Variants in ADAMTS19 observed in about 807,000 individuals in gnomAD.
ADAMTS19 encodes ADAM metallopeptidase with thrombospondin type 1 motif 19.
A neutral mutation model predicts 153.3 loss-of-function variants in ADAMTS19; 93 were observed. The observed-to-expected ratio is 0.61, with a 90% CI of 0.51 to 0.72. The LOEUF is 0.72. ADAMTS19 is among the 30% of genes least tolerant of loss of function. The pLI is 0.00. For synonymous variants in ADAMTS19, 600 were observed against 556.6 expected, an observed-to-expected ratio of 1.08 and a Z score of -1.10; for missense variants, 1,482 against 1,552.1, an observed-to-expected ratio of 0.95 and a Z score of 0.76.
At chr5:129,555,859 GA>G (rs1407660079) in intron 7 of ADAMTS19, among the ~76,000 whole-genome samples, 1 of 152,156 alleles carries the variant, frequency 6.6e-6, no homozygotes, top group Non-Finnish European at 1.5e-5. Flanking sequence ...TTCAGATGAA[GA>G]TATAGAATTA....
intron 2 of ADAMTS19, among the ~76,000 whole-genome samples, chr5:129,479,291 A>G (rs760793789): frequency 1.3e-5 from 2 of 152,214 alleles, no homozygotes; most frequent in South Asian, 2.1e-4. Flanking sequence ...ATAGGAGTAG[A>G]AATAGTAGAA....
In ADAMTS19 at chr5:129,596,563, A is replaced by T; in HGVS notation, c.1377A>T (p.Ile459=). 1.3e-6 allele frequency: 2 copies of T among 1,590,222 alleles called. No homozygotes were observed. The highest frequency in any genetic ancestry group is 1.7e-6 in the Non-Finnish European group (2 of 1,165,504). Residue 459 remains isoleucine, a synonymous_variant, in exon 8 of 23, where the codon ATA becomes ATT. Transcript: ENST00000274487. ...HKDEPCDTVG[I]AYLSGMCSEK... ...ATTAATGTTTGTATTTTTTAGGTAT[A>T]GCTTACTTGAGTGGAATGTGTAGTG...
At chr5:129,609,948 G>A (rs7713182) in intron 8 of ADAMTS19, among the ~76,000 whole-genome samples, 126,519 of 152,098 alleles carry the variant, frequency 0.83, 52,901 homozygotes, top group Non-Finnish European at 0.88. Context: ...ATCTCTAATT[G>A]TAGCATATTT....
chr5:129,499,356 G>A (rs1366732684), intron 2 of ADAMTS19, among the ~76,000 whole-genome samples: 1 of 152,006 alleles, frequency 6.6e-6, no homozygotes, highest in Non-Finnish European at 1.5e-5. Context: ...TAAATGTGAG[G>A]ATGGGGCACT....
At chr5:129,608,090 A>ATGTGTGTGTGTG (rs747075161) in intron 8 of ADAMTS19, among the ~76,000 whole-genome samples, 17 of 104,542 alleles carry the variant, frequency 1.6e-4, no homozygotes, top group African/African-American at 6.6e-4. Flanking sequence ...TTTTATATAT[A>ATGTGTGTGTGTG]TGTGTGTGTG....
chr5:129,651,170 TC>T (rs1753299695), intron 13 of ADAMTS19, among the ~76,000 whole-genome samples: 1 of 152,160 alleles, frequency 6.6e-6, no homozygotes, highest in African/African-American at 2.4e-5. Flanking sequence ...TATTATCTAT[TC>T]CTATGACTTC....
At chr5:129,489,943 C>G (rs752905985) in intron 2 of ADAMTS19, among the ~76,000 whole-genome samples, 28 of 152,082 alleles carry the variant, frequency 1.8e-4, no homozygotes, top group Non-Finnish European at 3.8e-4. Flanking sequence ...AAAATGTTTC[C>G]TTCCATGCAT....
Position 129,679,559 on chromosome 5 carries a change from T to C in ADAMTS19, c.2507-205T>C, listed in dbSNP as rs548663929. ...AAAGATAAATATGGCTATATAGTTATGGACAATTTCAGGACAGGAGAGCTA... is the reference window on the plus strand; with the variant it reads ...AAAGATAAATATGGCTATATAGTTACGGACAATTTCAGGACAGGAGAGCTA... On this transcript the variant is annotated intron_variant, in intron 16 of 22. Transcript: ENST00000274487. Among the ~76,000 whole-genome samples, 47 of 152,364 alleles carry C rather than the reference T, an allele frequency of 3.1e-4. No individual in the cohort carries two copies. In the South Asian group the frequency reaches 4.8e-3, roughly 15 times the overall value.
At chr5:129,623,579 CATT>C (rs1279542509) in intron 10 of ADAMTS19, among the ~76,000 whole-genome samples, 3 of 152,144 alleles carry the variant, frequency 2.0e-5, no homozygotes, top group Admixed American at 6.6e-5. Flanking sequence ...AAGCATATGA[CATT>C]ATAATTTATT....
intron 7 of ADAMTS19, among the ~76,000 whole-genome samples, chr5:129,577,403 T>A (rs1455864347): frequency 6.6e-6 from 1 of 152,074 alleles, no homozygotes; most frequent in African/African-American, 2.4e-5. Context: ...AAATAATTAG[T>A]TGGTATATTA....
chr5:129,531,922 G>T (rs1046699182), intron 6 of ADAMTS19, among the ~76,000 whole-genome samples: 12 of 152,030 alleles, frequency 7.9e-5, no homozygotes, highest in Non-Finnish European at 2.9e-5. Context: ...TCAGCAGATG[G>T]TATTAGAATA....
intron 2 of ADAMTS19, among the ~76,000 whole-genome samples, chr5:129,499,693 G>A (rs964313813): frequency 6.6e-6 from 1 of 152,078 alleles, no homozygotes; most frequent in Non-Finnish European, 1.5e-5. Flanking sequence ...GATAAAATTT[G>A]TAAGCAGTGT....
At chr5:129,686,731 G>A (rs539926372) in intron 18 of ADAMTS19, among the ~76,000 whole-genome samples, 18 of 152,268 alleles carry the variant, frequency 1.2e-4, no homozygotes, top group African/African-American at 4.3e-4. Context: ...CTGACTCCAG[G>A]AGCATCTTTG....
intron 6 of ADAMTS19, among the ~76,000 whole-genome samples, chr5:129,540,045 G>T (rs760449963): frequency 6.6e-6 from 1 of 152,090 alleles, no homozygotes; most frequent in Non-Finnish European, 1.5e-5. Flanking sequence ...CAGCTATTTA[G>T]CTTTGTAAGA....
intron 16 of ADAMTS19, 62 bp downstream of exon 16, chr5:129,665,641 T>G: frequency 3.9e-6 from 5 of 1,283,320 alleles, no homozygotes; most frequent in Non-Finnish European, 5.5e-6. Flanking sequence ...GCCCTGAGAG[T>G]TCTATGATGA....
chr5:129,610,654 G>C (rs930252956), intron 8 of ADAMTS19, among the ~76,000 whole-genome samples: 10 of 152,144 alleles, frequency 6.6e-5, no homozygotes, highest in African/African-American at 2.4e-4. Context: ...ATTCCATGGT[G>C]TATATGTGCC....
At chr5:129,471,358 C>T (rs1236192851) in intron 2 of ADAMTS19, among the ~76,000 whole-genome samples, 2 of 149,320 alleles carry the variant, frequency 1.3e-5, no homozygotes, top group East Asian at 3.9e-4. Context: ...AGAGTGAGAC[C>T]CTGTCTCAAA....
At chr5:129,470,941 A>G (rs1019471852) in intron 2 of ADAMTS19, among the ~76,000 whole-genome samples, 1 of 152,074 alleles carries the variant, frequency 6.6e-6, no homozygotes, top group Admixed American at 6.6e-5. Flanking sequence ...TTTGTAGTCT[A>G]CTAGCCTCAG....
rs1751360738 is a variant in ADAMTS19, at chr5:129,509,334, T to C, written c.913+92T>C. 8.0e-6 allele frequency: 9 copies of C among 1,119,786 alleles called. No homozygotes were observed. The South Asian group carries it at 1.3e-4, about 17-fold the overall frequency. The allele number at this position is 1,119,786 out of a possible 1,614,324, so 69.4% of individuals were successfully genotyped here. On this transcript the variant is annotated intron_variant, in intron 3 of 22. Transcript: ENST00000274487. ...TCTCTCGTCTATTTACTAGCTTTAC[T>C]TATTTTTAATGTAGAATCTTTTAAT...
Sources: gnomAD v4.1 joint callset for allele counts (sites outside exome capture counted in the v4.1 genomes callset) on GRCh38, gnomAD v4.1.1 for gene constraint, MANE v1.5 for transcripts, NCBI Gene and HGNC (gene_info 2026-07-23, HGNC 2026-07-21) for gene names.